The following CLIC5 variants were observed in gnomAD, a reference collection of about 807,000 sequenced individuals.
CLIC5 encodes the protein CLIC family member 5.
CLIC5 carries 20 observed loss-of-function variants against 24.7 expected under a neutral mutation model. That is an observed-to-expected ratio of 0.81 (90% confidence interval 0.57 to 1.18). The LOEUF is 1.18. Ranked by LOEUF, CLIC5 falls within the 50% of genes most tolerant of loss-of-function variation. The probability of loss-of-function intolerance (pLI) is 0.00; values close to 1 mark genes in which losing one functional copy is unlikely to be tolerated. For synonymous variants in CLIC5, 159 were observed against 135.6 expected (o/e 1.17, Z -1.20); for missense variants, 341 against 326.1 (o/e 1.05, Z -0.35).
intron 1 of CLIC5, among the ~76,000 whole-genome samples, chr6:46,056,011 G>T (rs1261020101): frequency 6.6e-6 from 1 of 152,172 alleles, no homozygotes; most frequent in Non-Finnish European, 1.5e-5. Flanking sequence ...GTATGGTAGT[G>T]ATTGTAGCAC....
rs1352096912 is a variant in CLIC5, at chr6:45,999,871, G to A, written c.63+15609C>T. 3.8e-5 allele frequency among the ~76,000 whole-genome samples: 3 copies of A among 79,474 alleles called. 1 individual carries two copies. In the East Asian group the frequency reaches 1.8e-3, roughly 49 times the overall value. The allele number at this position is 79,474 out of a possible 152,430, so 52.1% of individuals were successfully genotyped here. ...CGCCATTCTCCTGCCTCAGCCTCCC[G>A]AGTAGCTGGGACTACAGGCGCCCGC... On this transcript the variant is annotated intron_variant, in intron 1 of 5. Transcript: ENST00000339561.
At chr6:45,945,108 T>C (rs1764248520) in intron 3 of CLIC5, among the ~76,000 whole-genome samples, 1 of 152,168 alleles carries the variant, frequency 6.6e-6, no homozygotes, top group African/African-American at 2.4e-5. Flanking sequence ...TCACCAATTG[T>C]CTGTACAATT....
At chr6:46,072,315 A>G (rs769390859) in intron 1 of CLIC5, among the ~76,000 whole-genome samples, 1 of 151,758 alleles carries the variant, frequency 6.6e-6, no homozygotes, top group South Asian at 2.1e-4. Context: ...GAGATGGATG[A>G]CTCTAGAGGC....
In CLIC5 at chr6:46,074,945, T is replaced by C. The variant is rs541323136; in HGVS notation, c.540+4758A>G. 9.4e-4 allele frequency among the ~76,000 whole-genome samples: 143 copies of C among 152,354 alleles called. 1 individual carries two copies. Among genetic ancestry groups the C allele is most frequent in the Non-Finnish European group, 1.8e-3 (120 of 68,030 alleles). The stretch of plus-strand genomic sequence containing the variant: ...CCACTGCTCTTTCCACAATATTGTA[T>C]TGCTCATGTTTGAAAAACCCAGTAG... On this transcript the variant is annotated intron_variant, in intron 1 of 5. Transcript: ENST00000185206.
At chr6:45,970,296 C>T (rs1765155807) in intron 1 of CLIC5, among the ~76,000 whole-genome samples, 1 of 96,730 alleles carries the variant, frequency 1.0e-5, no homozygotes, top group African/African-American at 4.4e-5. Flanking sequence ...TGAAAACAGC[C>T]TCACAATTAC....
the CLIC5 span, among the ~76,000 whole-genome samples, chr6:46,091,835 T>A: frequency 1.1e-3 from 164 of 152,302 alleles, no homozygotes; most frequent in African/African-American, 3.8e-3. Flanking sequence ...GCAGATATAT[T>A]TTTGACATAC....
chr6:45,926,244 T>TATATATATATA (rs1479166444), intron 4 of CLIC5, among the ~76,000 whole-genome samples: 96 of 95,948 alleles, frequency 1.0e-3, no homozygotes, highest in African/African-American at 2.7e-3. Flanking sequence ...TATATATATA[T>TATATATATATA]TTTATTTTTT....
chr6:45,929,610 T>G (rs1286173860), intron 4 of CLIC5, among the ~76,000 whole-genome samples: 5 of 152,206 alleles, frequency 3.3e-5, no homozygotes, highest in African/African-American at 1.2e-4. Context: ...GGCTGCTTTA[T>G]GAGGAAGTGG....
intron 1 of CLIC5, among the ~76,000 whole-genome samples, chr6:45,967,143 T>G (rs1484269945): frequency 6.6e-6 from 1 of 152,248 alleles, no homozygotes; most frequent in African/African-American, 2.4e-5. Context: ...TTGGGCTTTC[T>G]TGGCTGCGTG....
Position 45,936,196 on chromosome 6 carries a change from C to CTTTT in CLIC5, c.406+5347_406+5350dup, listed in dbSNP as rs60969238. On this transcript the variant is annotated intron_variant, in intron 4 of 5. Transcript: ENST00000339561. ...GATAACTGCTCAGAACAACGGCTGACTTTTTTTTTTTTTTTTTTTTTTTTT... is the reference window on the plus strand; with the variant it reads ...GATAACTGCTCAGAACAACGGCTGACTTTTTTTTTTTTTTTTTTTTTTTTTTTTT... Among the ~76,000 whole-genome samples, 74 of 80,284 alleles carry CTTTT rather than the reference C, an allele frequency of 9.2e-4. 1 individual carries two copies. The highest frequency in any genetic ancestry group is 1.2e-3 in the Non-Finnish European group (52 of 43,898). 52.7% of individuals were successfully genotyped at this position (80,284 alleles called of 152,430 possible).
At chr6:45,980,039 C>G (rs1765518712) in intron 1 of CLIC5, among the ~76,000 whole-genome samples, 1 of 127,994 alleles carries the variant, frequency 7.8e-6, no homozygotes, top group African/African-American at 3.0e-5. Flanking sequence ...TTAGGTCTAA[C>G]AGTTAAGTCT....
intron 1 of CLIC5, among the ~76,000 whole-genome samples, chr6:45,996,448 T>C (rs2127428590): frequency 6.6e-6 from 1 of 152,320 alleles, no homozygotes; most frequent in East Asian, 1.9e-4. Context: ...TGGTATTGCC[T>C]AGGTTTTCTT....
chr6:46,087,442 G>T, the CLIC5 span, among the ~76,000 whole-genome samples: 2 of 152,104 alleles, frequency 1.3e-5, no homozygotes, highest in African/African-American at 4.8e-5. Flanking sequence ...AAGCTTTGAG[G>T]CAGGGCTTCC....
At chr6:46,053,080 C>A (rs889704350) in intron 1 of CLIC5, among the ~76,000 whole-genome samples, 2 of 151,940 alleles carry the variant, frequency 1.3e-5, no homozygotes, top group Admixed American at 6.6e-5. Context: ...AGCAAAAAAG[C>A]AAATAAAAAT....
At chr6:45,976,960 C>G (rs1472719495) in intron 1 of CLIC5, among the ~76,000 whole-genome samples, 1 of 152,188 alleles carries the variant, frequency 6.6e-6, no homozygotes, top group Non-Finnish European at 1.5e-5. Context: ...GTTTGGTTGA[C>G]TTTTCATTGC....
At chr6:46,025,978 G>A (rs1045286120) in intron 1 of CLIC5, among the ~76,000 whole-genome samples, 1 of 152,162 alleles carries the variant, frequency 6.6e-6, no homozygotes, top group Non-Finnish European at 1.5e-5. Flanking sequence ...GTGGAATGGT[G>A]AGTCAATTAA....
At chr6:45,992,546 G>A (rs1765979562) in intron 1 of CLIC5, among the ~76,000 whole-genome samples, 1 of 152,140 alleles carries the variant, frequency 6.6e-6, no homozygotes, top group Admixed American at 6.5e-5. Context: ...CAATTCCCTG[G>A]GTAAACTACA....
At chr6:45,927,743 A>G (rs1763557169) in intron 4 of CLIC5, among the ~76,000 whole-genome samples, 1 of 152,120 alleles carries the variant, frequency 6.6e-6, no homozygotes, top group Non-Finnish European at 1.5e-5. Flanking sequence ...CTAAAAGTTT[A>G]CTGTCCTTTG....
chr6:45,926,341 G>A (rs1763493253), intron 4 of CLIC5, among the ~76,000 whole-genome samples: 2 of 150,996 alleles, frequency 1.3e-5, no homozygotes, highest in Non-Finnish European at 3.0e-5. Flanking sequence ...TCCACCTCCT[G>A]GGTTCATGGC....
Sources: allele counts gnomAD v4.1 joint callset (sites outside exome capture counted in the v4.1 genomes callset), GRCh38; gene constraint gnomAD v4.1.1; transcripts MANE v1.5; gene names NCBI Gene and HGNC (gene_info 2026-07-23, HGNC 2026-07-21).